SHTN1: variants seen among roughly 807,000 people sequenced by gnomAD.
SHTN1 encodes shootin-1.
In SHTN1, 42 loss-of-function variants were observed where a neutral mutation model predicts 83.1. The ratio of observed to expected loss-of-function variants is 0.51; its 90% confidence interval spans 0.39 to 0.65. The LOEUF (loss-of-function observed/expected upper bound fraction) is 0.65. Ranked by LOEUF, SHTN1 falls within the 30% of genes least tolerant of loss-of-function variation. The pLI, the probability that SHTN1 is intolerant of heterozygous loss-of-function variation, is 0.00. For synonymous variants in SHTN1, 224 were observed against 247.7 expected (o/e 0.90, Z 0.90); for missense variants, 622 against 737.8 (o/e 0.84, Z 1.82).
chr10:117,040,906 A>G (rs1024243760), intron 2 of SHTN1, among the ~76,000 whole-genome samples: 2 of 151,654 alleles, frequency 1.3e-5, no homozygotes, highest in African/African-American at 4.8e-5. Flanking sequence ...TTATTTTTAT[A>G]CTCAACTCTT....
chr10:117,094,179 C>T (rs1853474672), intron 1 of SHTN1, among the ~76,000 whole-genome samples: 1 of 152,136 alleles, frequency 6.6e-6, no homozygotes, highest in African/African-American at 2.4e-5. Context: ...CCCAAAAAGA[C>T]CTAAGAAATA....
At chr10:116,976,822 C>T (rs186341277) in intron 2 of SHTN1, among the ~76,000 whole-genome samples, 7 of 152,236 alleles carry the variant, frequency 4.6e-5, no homozygotes, top group Admixed American at 3.3e-4. Context: ...AACTTAAAAC[C>T]ACTCTACTTT....
At chr10:116,984,111 G>A (rs958176368) in intron 1 of SHTN1, among the ~76,000 whole-genome samples, 5 of 152,026 alleles carry the variant, frequency 3.3e-5, no homozygotes, top group Non-Finnish European at 5.9e-5. Context: ...CAGTTTTAGC[G>A]CTGAAAGTTC....
chr10:117,085,972 G>A (rs1272566324), intron 1 of SHTN1, among the ~76,000 whole-genome samples: 1 of 144,478 alleles, frequency 6.9e-6, no homozygotes, highest in Non-Finnish European at 1.5e-5. Context: ...CCAGGCTGGA[G>A]TGCAGTAGCG....
At chr10:116,907,838 CTAA>C (rs1314838942) in intron 14 of SHTN1, 8 of 512,808 alleles carry the variant, frequency 1.6e-5, no homozygotes, top group Admixed American at 5.9e-5. Flanking sequence ...TCCACCAAGG[CTAA>C]TAATCTTGCC....
intron 1 of SHTN1, among the ~76,000 whole-genome samples, chr10:117,091,983 C>T (rs1274045901): frequency 6.6e-6 from 1 of 152,190 alleles, no homozygotes; most frequent in Non-Finnish European, 1.5e-5. Context: ...TACAGTGTCT[C>T]ATTTAGCCTT....
In SHTN1 at chr10:116,911,829, T is replaced by G; in HGVS notation, c.1320A>C (p.Lys440Asn). The G allele has an allele frequency of 1.2e-6, 2 of 1,612,158 alleles. No homozygotes were observed. The highest frequency in any genetic ancestry group is 1.7e-6 in the Non-Finnish European group (2 of 1,178,280). Residue 440 changes from lysine (K) to asparagine (N), a missense_variant, in exon 14 of 17, where the codon AAA becomes AAC. Lys to Asn is a moderately conservative substitution (Grantham distance 94, BLOSUM62 0). Coordinates refer to ENST00000355371, the MANE Select transcript of SHTN1 (RefSeq NM_001127211.3). ...ARPKTKPESS[K>N]GCESAVDELK... ...GTTCATCCACTGCACTTTCGCAGCCTTTCGAAGATTCTGGCTATAATTTTA... is the reference window on the plus strand; with the variant it reads ...GTTCATCCACTGCACTTTCGCAGCCGTTCGAAGATTCTGGCTATAATTTTA...
chr10:117,121,038 G>A (rs1032375053), intron 1 of SHTN1, among the ~76,000 whole-genome samples: 29 of 152,018 alleles, frequency 1.9e-4, no homozygotes, highest in Non-Finnish European at 3.7e-4. Flanking sequence ...TCAACTTCCT[G>A]ACCTCAGGTG....
intron 1 of SHTN1, among the ~76,000 whole-genome samples, chr10:117,092,916 C>A (rs1853454405): frequency 6.6e-6 from 1 of 152,096 alleles, no homozygotes; most frequent in Non-Finnish European, 1.5e-5. Context: ...CCACCAGGTC[C>A]ACTAATAGCA....
At chr10:117,103,000 A>C (rs1385578424) in intron 1 of SHTN1, among the ~76,000 whole-genome samples, 2 of 152,142 alleles carry the variant, frequency 1.3e-5, no homozygotes, top group African/African-American at 4.8e-5. Context: ...CTGCCTCCTC[A>C]ATGCCATTTT....
intron 16 of SHTN1, among the ~76,000 whole-genome samples, chr10:116,887,389 T>G (rs1301153179): frequency 6.6e-6 from 1 of 152,186 alleles, no homozygotes; most frequent in East Asian, 1.9e-4. Context: ...TGGAGGCAGC[T>G]GCAGCAGGCA....
At chr10:116,900,689 T>G in intron 16 of SHTN1, 1 of 1,461,016 alleles carries the variant, frequency 6.8e-7, no homozygotes, top group Non-Finnish European at 9.0e-7. Context: ...TTAAACAAAT[T>G]TAATAGGAAA....
chr10:116,891,768 T>G (rs996146489), intron 16 of SHTN1, among the ~76,000 whole-genome samples: 1 of 152,102 alleles, frequency 6.6e-6, no homozygotes, highest in Non-Finnish European at 1.5e-5. Context: ...TGTCCAAAAC[T>G]TCACAAAATA....
intron 2 of SHTN1, among the ~76,000 whole-genome samples, chr10:117,031,661 GGTTAA>G (rs1342067233): frequency 6.6e-6 from 1 of 151,996 alleles, no homozygotes; most frequent in East Asian, 1.9e-4. Flanking sequence ...ATGCAAACAG[GGTTAA>G]GTTGTTATCA....
At chr10:116,893,213 A>G (rs905460805) in intron 16 of SHTN1, among the ~76,000 whole-genome samples, 1 of 152,164 alleles carries the variant, frequency 6.6e-6, no homozygotes, top group African/African-American at 2.4e-5. Flanking sequence ...AGTCCACAGG[A>G]TAACTCCTTG....
chr10:116,982,226 ACT>A (rs1851049116), intron 1 of SHTN1, among the ~76,000 whole-genome samples: 1 of 152,224 alleles, frequency 6.6e-6, no homozygotes, highest in Non-Finnish European at 1.5e-5. Context: ...GCTCCCAATT[ACT>A]GAGTATTTAT....
intron 9 of SHTN1, among the ~76,000 whole-genome samples, chr10:116,937,648 G>C (rs1242991650): frequency 6.6e-6 from 1 of 152,056 alleles, no homozygotes; most frequent in African/African-American, 2.4e-5. Flanking sequence ...TCTTGGGGTT[G>C]CTCTTCTCGA....
At position 116,944,974 on chromosome 10, in the gene SHTN1, G is replaced by A. The variant is rs754542569; in HGVS notation, c.661C>T (p.Leu221=). Residue 221 remains leucine (L), a synonymous_variant, in exon 8 of 17, where the codon CTG becomes TTG. Coordinates refer to ENST00000355371, the MANE Select transcript of SHTN1 (RefSeq NM_001127211.3). The stretch of plus-strand genomic sequence containing the variant: ...TTTCGAAGGTCCTTCTCCAGCTCCA[G>A]GTTTACTTGCATCTCCTCATACTCT... The part of the protein sequence containing the change: ...VEEYEEMQVN[L]ELEKDLRKKA... 1.2e-6 allele frequency: 2 copies of A among 1,612,112 alleles called. No homozygotes were observed. Among genetic ancestry groups the A allele is most frequent in the Non-Finnish European group, 1.7e-6 (2 of 1,178,344 alleles).
At chr10:116,890,463 T>C (rs1375834791) in intron 16 of SHTN1, among the ~76,000 whole-genome samples, 1 of 152,204 alleles carries the variant, frequency 6.6e-6, no homozygotes, top group East Asian at 1.9e-4. Flanking sequence ...ACTAAACTAG[T>C]GGAATCCTGA....
Sources: allele counts gnomAD v4.1 joint callset (sites outside exome capture counted in the v4.1 genomes callset), GRCh38; gene constraint gnomAD v4.1.1; transcripts MANE v1.5; gene names NCBI Gene and HGNC (gene_info 2026-07-23, HGNC 2026-07-21).